Variants in KANSL1L observed in about 807,000 individuals in gnomAD.
KANSL1L encodes the protein KAT8 regulatory NSL complex subunit 1-like protein.
KANSL1L carries 25 observed loss-of-function variants against 108.6 expected under a neutral mutation model. The ratio of observed to expected loss-of-function variants is 0.23; its 90% CI spans 0.17 to 0.32. KANSL1L has a LOEUF of 0.32. KANSL1L is among the 10% of genes least tolerant of loss of function. The pLI, the probability that KANSL1L is intolerant of heterozygous loss-of-function variation, is 1.00. For missense variants in KANSL1L, 1,137 were observed against 1,125.7 expected (o/e 1.01, Z -0.14); for synonymous variants, 405 against 395.1 (o/e 1.03, Z -0.30).
chr2:210,058,452 T>C (rs1482420602), intron 6 of KANSL1L, among the ~76,000 whole-genome samples: 2 of 152,294 alleles, frequency 1.3e-5, no homozygotes, highest in East Asian at 3.9e-4. Context: ...TGCCTTGTGA[T>C]ATCTTATTAG....
At chr2:210,129,750 T>C (rs1272731965) in intron 2 of KANSL1L, among the ~76,000 whole-genome samples, 1 of 152,138 alleles carries the variant, frequency 6.6e-6, no homozygotes, top group Non-Finnish European at 1.5e-5. Context: ...ACCAAATATA[T>C]AGACCTTAAA....
intron 1 of KANSL1L, among the ~76,000 whole-genome samples, chr2:210,165,195 CA>C (rs1687868221): frequency 6.7e-6 from 1 of 149,214 alleles, no homozygotes; most frequent in Non-Finnish European, 1.5e-5. Context: ...AACCAAAAAA[CA>C]AAAAACAAAA....
chr2:210,125,123 G>A (rs1397780435), intron 3 of KANSL1L, among the ~76,000 whole-genome samples: 3 of 151,938 alleles, frequency 2.0e-5, no homozygotes, highest in Non-Finnish European at 4.4e-5. Context: ...ATGTGGTGGC[G>A]GGTGCCTGTA....
chr2:210,029,831 AC>A lies in KANSL1L; in HGVS notation c.2242del (p.Val748PhefsTer17). 1 of 1,599,292 alleles carries A rather than the reference AC, an allele frequency of 6.3e-7. No homozygotes were observed. The highest frequency in any genetic ancestry group is 8.6e-7 in the Non-Finnish European group (1 of 1,167,972). ...TGATGAATTCTGGATTCTTGATAAA[AC>A]GTTGACATTGGAAACAGCAGTAAAA... ...SNFTAVSNVNVLSRIQNSSRN... is the reference protein window; with the variant it reads ...SNFTAVSNVNXLSRIQNSSRN... On this transcript the variant is annotated frameshift_variant, in exon 10 of 15. Transcript: ENST00000281772. LOFTEE classifies it high-confidence loss of function.
At position 210,021,955 on chromosome 2, in the gene KANSL1L, A is replaced by T. The variant is rs966165651; in HGVS notation, c.*994T>A. 1.3e-5 allele frequency: 2 copies of T among 151,594 alleles called. No homozygotes were observed. Among genetic ancestry groups the T allele is most frequent in the Non-Finnish European group, 2.9e-5 (2 of 67,852 alleles). The allele number at this position is 151,594 out of a possible 1,614,324, so 9.4% of individuals were successfully genotyped here. A position where few individuals can be genotyped will look rare whatever the true frequency, so the allele number is the denominator to read the frequency against. On this transcript the variant is annotated 3_prime_UTR_variant, in exon 15 of 15. Coordinates refer to ENST00000281772, the MANE Select transcript of KANSL1L (RefSeq NM_152519.4). Reference sequence around the variant, plus strand: ...AATGACCAAATTAGCTAGAAATAGAAATCAGCCAGAATTAACTAATTTCTT... The same window carrying T: ...AATGACCAAATTAGCTAGAAATAGATATCAGCCAGAATTAACTAATTTCTT...
chr2:210,162,455 A>T (rs1298136505), intron 1 of KANSL1L, among the ~76,000 whole-genome samples: 1 of 151,790 alleles, frequency 6.6e-6, no homozygotes, highest in East Asian at 1.9e-4. Flanking sequence ...AAAAATAAAA[A>T]TTTCTGTTTT....
chr2:210,152,600 G>A (rs1203125296), intron 2 of KANSL1L: 2 of 152,204 alleles, frequency 1.3e-5, no homozygotes, highest in Non-Finnish European at 2.9e-5. Context: ...GAATCTTAGT[G>A]TCTAGCACAT....
At chr2:210,114,135 A>C (rs1392052609) in intron 3 of KANSL1L, among the ~76,000 whole-genome samples, 1 of 152,198 alleles carries the variant, frequency 6.6e-6, no homozygotes, top group Non-Finnish European at 1.5e-5. Flanking sequence ...AACATATTAT[A>C]ATCAAACTAC....
chr2:210,128,342 A>C (rs1226616165), intron 3 of KANSL1L, among the ~76,000 whole-genome samples: 1 of 152,246 alleles, frequency 6.6e-6, no homozygotes, highest in Non-Finnish European at 1.5e-5. Context: ...CAATAGCTAA[A>C]AACTGGAAGC....
At chr2:210,029,453 C>T (rs201961444) in intron 10 of KANSL1L, among the ~76,000 whole-genome samples, 1 of 151,374 alleles carries the variant, frequency 6.6e-6, no homozygotes, top group African/African-American at 2.4e-5. Flanking sequence ...GGCCAGATAA[C>T]AAAAAAACAA....
At chr2:210,072,517 C>CAGGAGATTGGGGGTGT (rs2094515015) in intron 6 of KANSL1L, among the ~76,000 whole-genome samples, 1 of 152,192 alleles carries the variant, frequency 6.6e-6, no homozygotes, top group Non-Finnish European at 1.5e-5. Context: ...TTTCCACAGA[C>CAGGAGATTGGGGGTGT]AGGAGATTGG....
Position 210,023,189 on chromosome 2 carries a change from G to C in KANSL1L, c.2734-10C>G. The C allele has an allele frequency of 6.2e-7, 1 of 1,606,584 alleles. No individual in the cohort carries two copies. The highest frequency in any genetic ancestry group is 8.5e-7 in the Non-Finnish European group (1 of 1,173,700). On this transcript the variant is annotated splice_polypyrimidine_tract_variant and intron_variant, in intron 14 of 14. Transcript: ENST00000281772. Reference sequence around the variant, plus strand: ...GTTCCCACCACAAAGACTGAAAGGGGAAAAATTTTCAGTTAAGTTTCAACT... The same window carrying C: ...GTTCCCACCACAAAGACTGAAAGGGCAAAAATTTTCAGTTAAGTTTCAACT...
intron 3 of KANSL1L, among the ~76,000 whole-genome samples, chr2:210,108,370 G>A (rs1476531998): frequency 1.3e-5 from 2 of 152,066 alleles, no homozygotes; most frequent in African/African-American, 2.4e-5. Context: ...AAGTTTATAC[G>A]TCTTTCCTTA....
intron 3 of KANSL1L, among the ~76,000 whole-genome samples, chr2:210,118,191 G>A (rs374598151): frequency 2.8e-4 from 40 of 142,254 alleles, no homozygotes; most frequent in East Asian, 1.1e-3. Flanking sequence ...GGAGGGGGGC[G>A]GGTGCGGTGG....
chr2:210,131,124 G>A (rs2095116107), intron 2 of KANSL1L, among the ~76,000 whole-genome samples: 3 of 152,168 alleles, frequency 2.0e-5, no homozygotes, highest in Non-Finnish European at 4.4e-5. Context: ...GTAGTGCAGA[G>A]AGTATAGCTA....
chr2:210,147,262 C>A (rs1484752641), intron 2 of KANSL1L, among the ~76,000 whole-genome samples: 1 of 152,194 alleles, frequency 6.6e-6, no homozygotes, highest in Admixed American at 6.5e-5. Context: ...GAATTCAAGA[C>A]CATCCTGGGC....
rs748924468 is a variant in KANSL1L at position 210,028,834 on chromosome 2, A to C, written c.2396+11T>G. ...GAAGGAAGAAAAATATGAAGATGTA[A>C]GTATACATACCTTGGAGTAAGTATT... On this transcript the variant is annotated intron_variant, in intron 11 of 14. Transcript: ENST00000281772. 1 of 1,531,294 alleles carries C rather than the reference A, an allele frequency of 6.5e-7. No homozygotes were observed. Among genetic ancestry groups the C allele is most frequent in the South Asian group, 1.2e-5 (1 of 81,250 alleles). 94.9% of individuals were successfully genotyped at this position (1,531,294 alleles called of 1,614,324 possible).
At chr2:210,125,280 T>A (rs781280946) in intron 3 of KANSL1L, among the ~76,000 whole-genome samples, 1 of 151,768 alleles carries the variant, frequency 6.6e-6, no homozygotes, top group African/African-American at 2.4e-5. Context: ...AAAAGAAAAT[T>A]TGAATAGGCC....
chr2:210,080,706 A>G (rs970812952), intron 5 of KANSL1L, among the ~76,000 whole-genome samples: 2 of 152,184 alleles, frequency 1.3e-5, no homozygotes, highest in African/African-American at 4.8e-5. Context: ...CATATAGCCA[A>G]TTAGTAATCA....
Sources: allele counts gnomAD v4.1 joint callset (sites outside exome capture counted in the v4.1 genomes callset), GRCh38; gene constraint gnomAD v4.1.1; transcripts MANE v1.5; gene names NCBI Gene and HGNC (gene_info 2026-07-23, HGNC 2026-07-21).